The following ATG10 variants were observed in gnomAD, a reference collection of about 807,000 sequenced individuals.
ATG10 encodes autophagy related 10.
ATG10 carries 30 observed loss-of-function variants against 32.1 expected under a neutral mutation model. The ratio of observed to expected loss-of-function variants is 0.94; its 90% CI spans 0.70 to 1.27. ATG10 has a LOEUF of 1.27. ATG10 is among the 50% of genes most tolerant of loss of function. The probability of loss-of-function intolerance (pLI) is 0.00; values close to 1 mark genes in which losing one functional copy is unlikely to be tolerated. For synonymous variants in ATG10, 87 were observed against 91.5 expected (o/e 0.95, Z 0.28); for missense variants, 233 against 262.3 (o/e 0.89, Z 0.77).
chr5:81,988,856 G>T (rs1420109870), intron 2 of ATG10, among the ~76,000 whole-genome samples: 2 of 152,074 alleles, frequency 1.3e-5, no homozygotes, highest in Non-Finnish European at 2.9e-5. Context: ...TTTTGAGACA[G>T]TCTTGCTTTG....
chr5:82,136,146 A>T (rs1174825705), intron 3 of ATG10, among the ~76,000 whole-genome samples: 2 of 152,190 alleles, frequency 1.3e-5, no homozygotes, highest in Non-Finnish European at 2.9e-5. Context: ...TCTCCTGAAT[A>T]CAGCACACCG....
chr5:82,173,356 A>G lies in ATG10; in HGVS notation c.356-5134A>G, dbSNP rs564687808. ...TACTTGACATGTGGGTTATTATTCA[A>G]TTGAGAGATTTTATATGAAAATGTC... On this transcript the variant is annotated intron_variant, in intron 4 of 7. Transcript: ENST00000282185. 7.2e-5 allele frequency among the ~76,000 whole-genome samples: 11 copies of G among 152,352 alleles called. No individual in the cohort carries two copies. The South Asian group carries it at 8.3e-4, about 11-fold the overall frequency.
At chr5:82,046,145 A>G (rs549488707) in intron 2 of ATG10, among the ~76,000 whole-genome samples, 1 of 152,272 alleles carries the variant, frequency 6.6e-6, no homozygotes, top group East Asian at 1.9e-4. Flanking sequence ...AGGTTAGATG[A>G]GACAGCTGTG....
intron 5 of ATG10, among the ~76,000 whole-genome samples, chr5:82,230,727 C>T (rs527597495): frequency 1.8e-4 from 20 of 110,704 alleles, no homozygotes; most frequent in South Asian, 2.9e-4. Context: ...AGTGAGACTC[C>T]GTCTCAAAAA....
chr5:82,253,732 T>C (rs941162569), intron 7 of ATG10, among the ~76,000 whole-genome samples: 9 of 152,314 alleles, frequency 5.9e-5, no homozygotes, highest in African/African-American at 1.9e-4. Flanking sequence ...TGGATCTGCA[T>C]AGGAATGTGA....
intron 3 of ATG10, among the ~76,000 whole-genome samples, chr5:82,136,772 G>T (rs1230930311): frequency 6.6e-6 from 1 of 152,100 alleles, no homozygotes; most frequent in South Asian, 2.1e-4. Flanking sequence ...TGCTAGGTTG[G>T]GGACGTTCTC....
At chr5:82,033,827 A>G (rs1396030681) in intron 2 of ATG10, among the ~76,000 whole-genome samples, 1 of 151,102 alleles carries the variant, frequency 6.6e-6, no homozygotes, top group Non-Finnish European at 1.5e-5. Context: ...ATATATCTGT[A>G]CTATATGTAT....
chr5:82,127,126 TCTC>T (rs1445008469), intron 3 of ATG10, among the ~76,000 whole-genome samples: 2 of 152,192 alleles, frequency 1.3e-5, no homozygotes, highest in East Asian at 1.9e-4. Context: ...TTGGTGGTGA[TCTC>T]CTCTTTATCA....
At chr5:82,047,822 C>A (rs886186879) in intron 2 of ATG10, among the ~76,000 whole-genome samples, 1 of 152,092 alleles carries the variant, frequency 6.6e-6, no homozygotes, top group Non-Finnish European at 1.5e-5. Flanking sequence ...AAACTAACTT[C>A]TTTTCTTCTA....
intron 5 of ATG10, among the ~76,000 whole-genome samples, chr5:82,207,899 CTGTTAACTGTGTTAT>C (rs1458903949): frequency 6.6e-6 from 1 of 152,094 alleles, no homozygotes; most frequent in Non-Finnish European, 1.5e-5. Flanking sequence ...CTACATGTGA[CTGTTAACTGTGTTAT>C]TGGACAGATT....
At chr5:82,108,693 T>A (rs1225257096) in intron 3 of ATG10, among the ~76,000 whole-genome samples, 1 of 152,056 alleles carries the variant, frequency 6.6e-6, no homozygotes, top group Non-Finnish European at 1.5e-5. Flanking sequence ...GATGTCAGTG[T>A]TGATAGGAAG....
intron 3 of ATG10, among the ~76,000 whole-genome samples, chr5:82,148,952 T>C (rs1249482920): frequency 6.6e-6 from 1 of 152,194 alleles, no homozygotes; most frequent in Admixed American, 6.5e-5. Flanking sequence ...GATTTTTCTC[T>C]GGCCTTATCT....
At chr5:81,981,469 A>T (rs536196578) in intron 1 of ATG10, among the ~76,000 whole-genome samples, 12 of 152,176 alleles carry the variant, frequency 7.9e-5, no homozygotes, top group African/African-American at 2.6e-4. Flanking sequence ...CCATAAAAGT[A>T]GTGGGTTGAT....
In ATG10 at chr5:81,987,555, G is replaced by A; in HGVS notation, c.-12-4G>A. 1 of 1,524,412 alleles carries A rather than the reference G, an allele frequency of 6.6e-7. No individual in the cohort carries two copies. The highest frequency in any genetic ancestry group is 9.0e-7 in the Non-Finnish European group (1 of 1,108,778). The allele number at this position is 1,524,412 out of a possible 1,614,324, so 94.4% of individuals were successfully genotyped here. ...GATGCTAATACTTAGTTTTTGTATTGCAGTTATCATTTAACATGGAAGAAG... is the reference window on the plus strand; with the variant it reads ...GATGCTAATACTTAGTTTTTGTATTACAGTTATCATTTAACATGGAAGAAG... On this transcript the variant is annotated splice_region_variant and splice_polypyrimidine_tract_variant and intron_variant, in intron 1 of 7. Transcript: ENST00000282185.
chr5:82,239,485 T>G (rs1322732141), intron 5 of ATG10, among the ~76,000 whole-genome samples: 1 of 152,136 alleles, frequency 6.6e-6, no homozygotes, highest in Admixed American at 6.6e-5. Context: ...AGTGTGGAAT[T>G]AGCAGTAGAC....
chr5:82,009,045 A>G (rs1415963708), intron 2 of ATG10, among the ~76,000 whole-genome samples: 1 of 152,208 alleles, frequency 6.6e-6, no homozygotes, highest in Non-Finnish European at 1.5e-5. Flanking sequence ...AGTTGCATAA[A>G]TGGAATATTT....
chr5:82,202,053 T>C (rs976009082), intron 5 of ATG10, among the ~76,000 whole-genome samples: 1 of 152,228 alleles, frequency 6.6e-6, no homozygotes, highest in Non-Finnish European at 1.5e-5. Flanking sequence ...GGGTTTTCTA[T>C]ATTGACAATT....
intron 4 of ATG10, among the ~76,000 whole-genome samples, chr5:82,166,325 A>G (rs895477786): frequency 2.0e-5 from 3 of 152,166 alleles, no homozygotes; most frequent in African/African-American, 7.2e-5. Context: ...ATGTAGAAGC[A>G]TTCGCCCCCC....
chr5:82,240,311 A>G (rs1037887239), intron 5 of ATG10, among the ~76,000 whole-genome samples: 2 of 152,250 alleles, frequency 1.3e-5, no homozygotes, highest in Admixed American at 1.3e-4. Context: ...TGTGGTATGT[A>G]TACACAATAG....
Sources: allele counts gnomAD v4.1 joint callset (sites outside exome capture counted in the v4.1 genomes callset), GRCh38; gene constraint gnomAD v4.1.1; transcripts MANE v1.5; gene names NCBI Gene and HGNC (gene_info 2026-07-23, HGNC 2026-07-21).